The following GSE1 variants were observed in gnomAD, a reference collection of about 807,000 sequenced individuals.
GSE1 encodes genetic suppressor element 1.
Under a neutral mutation model 112.6 loss-of-function variants are expected in GSE1, and 32 were observed. That is an observed-to-expected ratio of 0.28 (90% CI 0.21 to 0.38). The LOEUF is 0.38. Among genes scored for constraint, GSE1 ranks in the 10% least tolerant of loss-of-function variants. GSE1 has a pLI of 1.00. For missense variants in GSE1, 2,348 were observed against 1,699.2 expected (o/e 1.38, Z -6.71); for synonymous variants, 1,115 against 735.6 (o/e 1.52, Z -8.35).
At chr16:85,203,925 G>C (rs2075072353) in intron 1 of GSE1, among the ~76,000 whole-genome samples, 1 of 152,084 alleles carries the variant, frequency 6.6e-6, no homozygotes, top group African/African-American at 2.4e-5. Flanking sequence ...TTCTTGTAGA[G>C]ATGGGGTCTC....
At chr16:85,505,679 A>G (rs1055878618) in intron 2 of GSE1, among the ~76,000 whole-genome samples, 1 of 152,098 alleles carries the variant, frequency 6.6e-6, no homozygotes, top group African/African-American at 2.4e-5. Flanking sequence ...CATGATTGTG[A>G]TCATGATCAC....
intron 1 of GSE1, among the ~76,000 whole-genome samples, chr16:85,312,700 G>A (rs1437896818): frequency 6.6e-6 from 1 of 152,020 alleles, no homozygotes; most frequent in African/African-American, 2.4e-5. Context: ...AGGGGGAGGA[G>A]GGAGAGGAGG....
intron 2 of GSE1, among the ~76,000 whole-genome samples, chr16:85,512,679 T>G (rs1280003295): frequency 6.6e-6 from 1 of 151,986 alleles, no homozygotes; most frequent in Admixed American, 6.6e-5. Context: ...AAATTAAGGG[T>G]CCCTCACACC....
At chr16:85,638,226 G>A (rs1029988129) in intron 2 of GSE1, among the ~76,000 whole-genome samples, 12 of 152,262 alleles carry the variant, frequency 7.9e-5, no homozygotes, top group African/African-American at 2.9e-4. Flanking sequence ...AGACGAAGCT[G>A]TGGCATGCGC....
chr16:85,546,283 A>G (rs2044697614), intron 2 of GSE1, among the ~76,000 whole-genome samples: 1 of 151,806 alleles, frequency 6.6e-6, no homozygotes, highest in African/African-American at 2.4e-5. Flanking sequence ...ATGGGGTTTC[A>G]CCATGTTGGC....
chr16:85,519,966 T>C (rs139500508), intron 2 of GSE1, among the ~76,000 whole-genome samples: 1 of 152,164 alleles, frequency 6.6e-6, no homozygotes, highest in Non-Finnish European at 1.5e-5. Context: ...CTTCTCCTTA[T>C]GACCCACGGT....
chr16:85,193,174 A>T (rs1240848373), intron 1 of GSE1, among the ~76,000 whole-genome samples: 3 of 152,106 alleles, frequency 2.0e-5, no homozygotes, highest in Non-Finnish European at 4.4e-5. Flanking sequence ...AAAAGGTTGA[A>T]CACCGAGTCC....
intron 1 of GSE1, among the ~76,000 whole-genome samples, chr16:85,274,787 C>G (rs1179952171): frequency 6.6e-6 from 1 of 152,208 alleles, no homozygotes; most frequent in Non-Finnish European, 1.5e-5. Context: ...GGCACCTGCC[C>G]CCAGCAGCAG....
intron 1 of GSE1, among the ~76,000 whole-genome samples, chr16:85,332,537 G>T (rs1045348267): frequency 6.6e-6 from 1 of 152,040 alleles, no homozygotes; most frequent in African/African-American, 2.4e-5. Context: ...TATGACTTAC[G>T]GTGTCCAAAG....
intron 1 of GSE1, among the ~76,000 whole-genome samples, chr16:85,276,410 T>C (rs1040752686): frequency 1.3e-5 from 2 of 152,200 alleles, no homozygotes; most frequent in African/African-American, 4.8e-5. Context: ...CTTGGCCAGG[T>C]CAGCGATTTG....
At chr16:85,221,460 C>G (rs1382500023) in intron 1 of GSE1, among the ~76,000 whole-genome samples, 1 of 152,136 alleles carries the variant, frequency 6.6e-6, no homozygotes, top group East Asian at 1.9e-4. Context: ...CACACACACA[C>G]ACAGACGCAC....
intron 2 of GSE1, among the ~76,000 whole-genome samples, chr16:85,415,315 A>T (rs540362987): frequency 1.3e-5 from 2 of 152,278 alleles, no homozygotes; most frequent in African/African-American, 4.8e-5. Context: ...TGTCCTCTTC[A>T]TGTCTACAGA....
intron 1 of GSE1, among the ~76,000 whole-genome samples, chr16:85,315,860 A>G (rs956776482): frequency 5.9e-5 from 9 of 152,178 alleles, no homozygotes; most frequent in Non-Finnish European, 1.3e-4. Flanking sequence ...GAGCAAACCC[A>G]GGTTGGGAAA....
chr16:85,502,426 C>T (rs1014623198), intron 2 of GSE1, among the ~76,000 whole-genome samples: 12 of 152,160 alleles, frequency 7.9e-5, no homozygotes, highest in African/African-American at 2.9e-4. Context: ...GGACTCCTCC[C>T]ATTTTACCAA....
At chr16:85,508,894 C>T (rs1211645056) in intron 2 of GSE1, among the ~76,000 whole-genome samples, 1 of 152,200 alleles carries the variant, frequency 6.6e-6, no homozygotes, top group African/African-American at 2.4e-5. Context: ...CAGGGTCTTT[C>T]CCCCTCAGCG....
At chr16:85,614,307 G>A (rs2048223453) in intron 1 of GSE1, among the ~76,000 whole-genome samples, 1 of 152,090 alleles carries the variant, frequency 6.6e-6, no homozygotes, top group South Asian at 2.1e-4. Flanking sequence ...TGCAGCACCA[G>A]AGACACCTCC....
intron 1 of GSE1, among the ~76,000 whole-genome samples, chr16:85,241,886 C>T (rs1038871953): frequency 6.6e-6 from 1 of 152,114 alleles, no homozygotes; most frequent in African/African-American, 2.4e-5. Flanking sequence ...CACCCCCAGC[C>T]CACACTGGGC....
chr16:85,403,654 T>C (rs2048172194), intron 2 of GSE1, among the ~76,000 whole-genome samples: 1 of 151,616 alleles, frequency 6.6e-6, no homozygotes, highest in African/African-American at 2.4e-5. Flanking sequence ...ATAACAAAAT[T>C]AGCCGGGTAT....
At chr16:85,639,783 T>C (rs965622102) in intron 2 of GSE1, among the ~76,000 whole-genome samples, 2 of 152,246 alleles carry the variant, frequency 1.3e-5, no homozygotes, top group African/African-American at 4.8e-5. Flanking sequence ...AAGCCAGGGC[T>C]GCTGCCAGGC....
Sources: allele counts gnomAD v4.1 joint callset (sites outside exome capture counted in the v4.1 genomes callset), GRCh38; gene constraint gnomAD v4.1.1; transcripts MANE v1.5; gene names NCBI Gene and HGNC (gene_info 2026-07-23, HGNC 2026-07-21).